The following LRP1B variants were observed in gnomAD, a reference collection of about 807,000 sequenced individuals.
The protein encoded by LRP1B is LDL receptor related protein 1B, also known as low-density lipoprotein receptor-related protein 1B.
In LRP1B, 217 loss-of-function variants were observed where a neutral mutation model predicts 556.6. That is an observed-to-expected ratio of 0.39 (90% CI 0.35 to 0.44). The LOEUF (loss-of-function observed/expected upper bound fraction) is 0.44, where lower values mean the gene tolerates loss of function less well. Among genes scored for constraint, LRP1B ranks in the 20% least tolerant of loss-of-function variants. LRP1B has a pLI of 1.00. For synonymous variants in LRP1B, 2,047 were observed against 1,865.8 expected (o/e 1.10, Z -2.50); for missense variants, 5,053 against 5,620.8 (o/e 0.90, Z 3.23).
intron 66 of LRP1B, among the ~76,000 whole-genome samples, chr2:140,388,485 T>G (rs1683864593): frequency 6.6e-6 from 1 of 152,182 alleles, no homozygotes; most frequent in South Asian, 2.1e-4. Flanking sequence ...AGTTTGTGTT[T>G]AAAAATACCT....
intron 2 of LRP1B, among the ~76,000 whole-genome samples, chr2:141,544,387 C>T (rs201923950): frequency 0.44 from 17,650 of 40,186 alleles, 2,148 homozygotes; most frequent in Middle Eastern, 0.47. Flanking sequence ...TTCTTCTCCT[C>T]CTCCTCCTCC....
Position 141,340,843 on chromosome 2 carries a change from G to T in LRP1B, c.344-86202C>A, listed in dbSNP as rs566646139. Among the ~76,000 whole-genome samples, 19 of 152,140 alleles carry T rather than the reference G, an allele frequency of 1.2e-4. 1 individual carries two copies. Among genetic ancestry groups the T allele is most frequent in the Admixed American group, 6.5e-4 (10 of 15,270 alleles). ...TCTGGTCTAGATGTCATTTCAAACAGGAAGAAACAGAACAACAAAAAACAA... is the reference window on the plus strand; with the variant it reads ...TCTGGTCTAGATGTCATTTCAAACATGAAGAAACAGAACAACAAAAAACAA... On this transcript the variant is annotated intron_variant, in intron 3 of 90. Coordinates refer to ENST00000389484, the MANE Select transcript of LRP1B (RefSeq NM_018557.3).
chr2:141,639,777 G>A (rs530234753), intron 2 of LRP1B, among the ~76,000 whole-genome samples: 4 of 152,036 alleles, frequency 2.6e-5, no homozygotes, highest in African/African-American at 4.8e-5. Context: ...AGTGAAGATC[G>A]AAGCAAATAA....
intron 51 of LRP1B, 71 bp downstream of exon 51, chr2:140,514,582 T>C: frequency 7.3e-7 from 1 of 1,378,064 alleles, no homozygotes. Context: ...GCAAATTTTG[T>C]GTATGCTATA....
intron 1 of LRP1B, among the ~76,000 whole-genome samples, chr2:142,066,181 T>C (rs940634319): frequency 1.3e-5 from 2 of 151,612 alleles, no homozygotes; most frequent in African/African-American, 2.4e-5. Context: ...TGCACTGTGG[T>C]TTTTCTCTAG....
intron 41 of LRP1B, among the ~76,000 whole-genome samples, chr2:140,655,883 C>A (rs1323928474): frequency 4.0e-5 from 6 of 151,822 alleles, no homozygotes; most frequent in Non-Finnish European, 8.8e-5. Flanking sequence ...GCGGAGCTTG[C>A]AGTGAGACGA....
chr2:141,443,947 T>G (rs1681083516), intron 3 of LRP1B, among the ~76,000 whole-genome samples: 1 of 145,788 alleles, frequency 6.9e-6, no homozygotes, highest in African/African-American at 2.4e-5. Context: ...TTAAAGTAGT[T>G]TTTTTTTCTA....
At chr2:140,290,453 G>T (rs1683328238) in intron 84 of LRP1B, among the ~76,000 whole-genome samples, 1 of 152,094 alleles carries the variant, frequency 6.6e-6, no homozygotes, top group African/African-American at 2.4e-5. Flanking sequence ...TTGGGAGAAA[G>T]TAGACAGGGC....
rs138202729 is a variant in LRP1B at position 140,952,759 on chromosome 2, G to A, written c.2888-819C>T. Among the ~76,000 whole-genome samples the A allele has an allele frequency of 1.3e-3, 200 of 152,236 alleles. 2 individuals carry two copies. The highest frequency in any genetic ancestry group is 4.7e-3 in the African/African-American group (197 of 41,562). On this transcript the variant is annotated intron_variant, in intron 18 of 90. Transcript: ENST00000389484. ...AATCAAGGTGAATAGCCAAAAAAGAGGGGTAACAGTAGTCAGAGAAAAATA... is the reference window on the plus strand; with the variant it reads ...AATCAAGGTGAATAGCCAAAAAAGAAGGGTAACAGTAGTCAGAGAAAAATA...
chr2:140,514,068 C>A (rs115227237), intron 51 of LRP1B, among the ~76,000 whole-genome samples: 1 of 151,934 alleles, frequency 6.6e-6, no homozygotes, highest in South Asian at 2.1e-4. Flanking sequence ...ACAAAGCAAT[C>A]ATACTGGGCT....
Position 141,596,469 on chromosome 2 carries a change from T to C in LRP1B, c.206-115936A>G, listed in dbSNP as rs556317280. Among the ~76,000 whole-genome samples the C allele has an allele frequency of 8.5e-4, 130 of 152,142 alleles. 1 individual carries two copies. Among genetic ancestry groups the C allele is most frequent in the African/African-American group, 2.9e-3 (119 of 41,558 alleles). ...ATTTGGACAGATGAGTAGATGGATGTAGGTATGCGTTAATAATAGCCTTCT... is the reference window on the plus strand; with the variant it reads ...ATTTGGACAGATGAGTAGATGGATGCAGGTATGCGTTAATAATAGCCTTCT... On this transcript the variant is annotated intron_variant, in intron 2 of 90. Transcript: ENST00000389484.
chr2:141,082,088 A>G (rs1699936913), intron 7 of LRP1B, among the ~76,000 whole-genome samples: 2 of 151,750 alleles, frequency 1.3e-5, no homozygotes, highest in African/African-American at 4.8e-5. Flanking sequence ...TCTGTGTGAA[A>G]TGAAAAAGAG....
At chr2:141,826,921 T>G (rs1387269545) in intron 1 of LRP1B, among the ~76,000 whole-genome samples, 2 of 152,226 alleles carry the variant, frequency 1.3e-5, no homozygotes, top group East Asian at 3.8e-4. Flanking sequence ...GATTCTGTCA[T>G]TTTAAATATC....
Position 141,265,373 on chromosome 2 carries a change from G to A in LRP1B, c.344-10732C>T, listed in dbSNP as rs867788212. On this transcript the variant is annotated intron_variant, in intron 3 of 90. Transcript: ENST00000389484. ...CCCAGCCTGTCTCCTGGACTGCAGC[G>A]CGACCCCCTTCAACTGCTGCCCTGG... 1.5e-4 allele frequency among the ~76,000 whole-genome samples: 23 copies of A among 152,224 alleles called. 2 individuals carry two copies. The Middle Eastern group carries it at 0.031, about 203-fold the overall frequency.
intron 3 of LRP1B, among the ~76,000 whole-genome samples, chr2:141,351,172 G>A (rs749682541): frequency 1.8e-4 from 27 of 151,886 alleles, no homozygotes; most frequent in Non-Finnish European, 3.1e-4. Context: ...ACTGGATTAA[G>A]AATCAAGAAA....
intron 14 of LRP1B, among the ~76,000 whole-genome samples, chr2:141,006,132 G>A (rs535188463): frequency 2.0e-5 from 3 of 152,086 alleles, no homozygotes; most frequent in South Asian, 2.1e-4. Context: ...AGGCACCCTT[G>A]CAGACTCTCA....
At chr2:141,891,678 T>C (rs1420457936) in intron 1 of LRP1B, among the ~76,000 whole-genome samples, 1 of 152,130 alleles carries the variant, frequency 6.6e-6, no homozygotes, top group Non-Finnish European at 1.5e-5. Flanking sequence ...ATTAGTGTTG[T>C]TTAGTAGAAA....
intron 7 of LRP1B, among the ~76,000 whole-genome samples, chr2:141,106,543 A>AAAAAAAAAAATGCATTC (rs1317789616): frequency 0.013 from 2,034 of 151,976 alleles, 23 homozygotes; most frequent in Middle Eastern, 0.027. Context: ...AAGTAAATAG[A>AAAAAAAAAAATGCATTC]CATGTCTGGA....
intron 51 of LRP1B, among the ~76,000 whole-genome samples, chr2:140,514,376 T>C (rs180733879): frequency 6.6e-6 from 1 of 151,966 alleles, no homozygotes; most frequent in Admixed American, 6.6e-5. Flanking sequence ...ATCATTGATA[T>C]TTGCTTCAAA....
Sources: allele counts gnomAD v4.1 joint callset (sites outside exome capture counted in the v4.1 genomes callset), GRCh38; gene constraint gnomAD v4.1.1; transcripts MANE v1.5; gene names NCBI Gene and HGNC (gene_info 2026-07-23, HGNC 2026-07-21).